Variants in PPP2R2C observed in about 807,000 individuals in gnomAD.
PPP2R2C encodes protein phosphatase 2 regulatory subunit Bgamma, also known as protein phosphatase 2, regulatory subunit B, gamma.
Under a neutral mutation model 45.3 loss-of-function variants are expected in PPP2R2C, and 10 were observed. That is an observed-to-expected ratio of 0.22 (90% confidence interval 0.14 to 0.37). PPP2R2C has a LOEUF of 0.37. Ranked by LOEUF, PPP2R2C falls within the 10% of genes least tolerant of loss-of-function variation. The probability of loss-of-function intolerance (pLI) is 1.00; values close to 1 mark genes in which losing one functional copy is unlikely to be tolerated. For missense variants in PPP2R2C, 308 were observed against 619.7 expected, an observed-to-expected ratio of 0.50 and a Z score of 5.34; for synonymous variants, 257 against 245.4, an observed-to-expected ratio of 1.05 and a Z score of -0.44.
At chr4:6,355,305 TA>T (rs1366486334) in intron 5 of PPP2R2C, among the ~76,000 whole-genome samples, 2 of 152,110 alleles carry the variant, frequency 1.3e-5, no homozygotes, top group Non-Finnish European at 2.9e-5. Context: ...AAAGTTGAGA[TA>T]AGAGGCATGG....
Position 6,536,189 on chromosome 4 carries a change from C to T in PPP2R2C, c.-58-812G>A, listed in dbSNP as rs979721559. Among the ~76,000 whole-genome samples the T allele has an allele frequency of 4.6e-5, 7 of 152,136 alleles. No homozygotes were observed. The South Asian group carries it at 6.2e-4, about 14-fold the overall frequency. ...AGGTGAAGGATAGGAACTATAAACC[C>T]GGGATTATGGAAGGAAACATTGCTG... On this transcript the variant is annotated intron_variant, in intron 1 of 9. Transcript: ENST00000506140.
At chr4:6,438,556 T>C (rs921300127) in intron 1 of PPP2R2C, among the ~76,000 whole-genome samples, 1 of 152,210 alleles carries the variant, frequency 6.6e-6, no homozygotes, top group Admixed American at 6.5e-5. Flanking sequence ...TGTATAATGG[T>C]TGGAATGTTT....
rs1283463190 is a variant in PPP2R2C at position 6,563,164 on chromosome 4, C to T, written c.-59+396G>A. 2.6e-5 allele frequency among the ~76,000 whole-genome samples: 4 copies of T among 152,168 alleles called. No homozygotes were observed. The highest frequency in any genetic ancestry group is 2.9e-5 in the Non-Finnish European group (2 of 68,022). On this transcript the variant is annotated intron_variant, in intron 1 of 9. Coordinates refer to the PPP2R2C transcript ENST00000506140. The surrounding 1 kb of genome is among the most constrained non-coding windows in gnomAD (Gnocchi z 5.8). ...CCTTCAGCCGGGCAGCGAGGGGGGG[C>T]TCGAGCGCGCCGGTTCTCGGCCGAG... is the stretch of plus-strand genomic sequence containing the variant.
chr4:6,427,724 G>A (rs1372551025), intron 1 of PPP2R2C, among the ~76,000 whole-genome samples: 2 of 152,232 alleles, frequency 1.3e-5, no homozygotes, highest in East Asian at 1.9e-4. Flanking sequence ...GCCCCTGGAG[G>A]CAAGGAGAGG....
intron 2 of PPP2R2C, among the ~76,000 whole-genome samples, chr4:6,483,551 GT>G (rs1257840225): frequency 1.3e-5 from 2 of 151,966 alleles, no homozygotes; most frequent in Admixed American, 6.6e-5. Context: ...ATCTTTTCGT[GT>G]GCTTATTTGC....
At chr4:6,415,202 A>C (rs1456903545) in intron 1 of PPP2R2C, among the ~76,000 whole-genome samples, 1 of 152,234 alleles carries the variant, frequency 6.6e-6, no homozygotes. Context: ...AAAGGGATCA[A>C]ACTGGCCAGC....
At chr4:6,422,097 T>C (rs1052716181) in intron 1 of PPP2R2C, among the ~76,000 whole-genome samples, 3 of 152,072 alleles carry the variant, frequency 2.0e-5, no homozygotes, top group African/African-American at 7.3e-5. Flanking sequence ...CAAAACTTTG[T>C]TTCTCACAAA....
Position 6,402,369 on chromosome 4 carries a change from G to C in PPP2R2C, c.71-21275C>G, listed in dbSNP as rs552055480. 2.6e-5 allele frequency among the ~76,000 whole-genome samples: 4 copies of C among 152,322 alleles called. No homozygotes were observed. In the South Asian group the frequency reaches 8.3e-4, roughly 32 times the overall value. ...CTAGGCTGAAGGGAAAGTATAATGA[G>C]CTGCCAAGGGTGTGCTTGGCCCTGC... On this transcript the variant is annotated intron_variant, in intron 1 of 8. Transcript: ENST00000382599.
Position 6,381,006 on chromosome 4 carries a change from C to T in PPP2R2C, c.159G>A (p.Arg53=). 1 of 1,540,762 alleles carries T rather than the reference C, an allele frequency of 6.5e-7. No homozygotes were observed. Among genetic ancestry groups the T allele is most frequent in the East Asian group, 2.3e-5 (1 of 43,776 alleles). ...ACCCAGGGCTTCGCACCTCTGGTTCCCGCTGGAAGATGACGACCCGGCCGC... is the reference window on the plus strand; with the variant it reads ...ACCCAGGGCTTCGCACCTCTGGTTCTCGCTGGAAGATGACGACCCGGCCGC... ...DKGGRVVIFQ[R]EPESKNAPHS... The change falls in exon 2 of 9, where the codon CGG becomes CGA. Residue 53 remains arginine (R), a synonymous_variant. Transcript: ENST00000382599.
At chr4:6,401,003 G>A (rs549172614) in intron 1 of PPP2R2C, among the ~76,000 whole-genome samples, 81 of 152,280 alleles carry the variant, frequency 5.3e-4, no homozygotes, top group Admixed American at 1.1e-3. Context: ...TCCCACACAC[G>A]TTGGTCAAGT....
At chr4:6,457,158 A>C (rs929853827) in intron 1 of PPP2R2C, among the ~76,000 whole-genome samples, 1 of 147,724 alleles carries the variant, frequency 6.8e-6, no homozygotes, top group African/African-American at 2.5e-5. Context: ...CAGTGAGCTG[A>C]CATGACACCA....
chr4:6,330,807 C>T lies in PPP2R2C; in HGVS notation c.961-1454G>A, dbSNP rs550253995. Among the ~76,000 whole-genome samples, 1 of 152,288 alleles carries T rather than the reference C, an allele frequency of 6.6e-6. No homozygotes were observed. The highest frequency in any genetic ancestry group is 1.9e-4 in the East Asian group (1 of 5,174). On this transcript the variant is annotated intron_variant, in intron 7 of 8. Coordinates refer to ENST00000382599, the MANE Select transcript of PPP2R2C (RefSeq NM_020416.4). This position sits in a 1 kb window ranked among gnomAD's most constrained non-coding sequence, Gnocchi z 7.0. The stretch of plus-strand genomic sequence containing the variant: ...GGATTGGGAGGAAGGGCCTGCTATT[C>T]ACTGCACACAGGATGGTTAGACAAG...
At chr4:6,411,206 C>A (rs1276815077) in intron 1 of PPP2R2C, among the ~76,000 whole-genome samples, 1 of 152,054 alleles carries the variant, frequency 6.6e-6, no homozygotes, top group African/African-American at 2.4e-5. Flanking sequence ...AAATGGAGGG[C>A]CAGAGAGGGT....
At chr4:6,441,444 C>A (rs1044026816) in intron 1 of PPP2R2C, among the ~76,000 whole-genome samples, 2 of 152,268 alleles carry the variant, frequency 1.3e-5, no homozygotes, top group Admixed American at 6.5e-5. Flanking sequence ...CCTGCAGCCT[C>A]CCTGGTTCCC....
intron 1 of PPP2R2C, among the ~76,000 whole-genome samples, chr4:6,538,906 C>T (rs1223314394): frequency 6.6e-5 from 10 of 152,156 alleles, no homozygotes; most frequent in African/African-American, 1.4e-4. Context: ...AGCAGGTGCT[C>T]CACAAATATC....
intron 1 of PPP2R2C, among the ~76,000 whole-genome samples, chr4:6,423,951 C>T (rs1577171867): frequency 6.6e-6 from 1 of 151,502 alleles, no homozygotes; most frequent in East Asian, 1.9e-4. Context: ...CCCTCCTGCA[C>T]AGACTGATTT....
intron 1 of PPP2R2C, among the ~76,000 whole-genome samples, chr4:6,405,724 A>G (rs34006454): frequency 0.15 from 22,497 of 152,166 alleles, 1,827 homozygotes; most frequent in African/African-American, 0.19. Context: ...ACATGACAAC[A>G]TCACGAAAAC....
At chr4:6,541,550 G>A (rs1430946817) in intron 1 of PPP2R2C, among the ~76,000 whole-genome samples, 1 of 152,028 alleles carries the variant, frequency 6.6e-6, no homozygotes, top group African/African-American at 2.4e-5. Context: ...TGTTTCGTTT[G>A]TTTGTTTGTT....
chr4:6,492,812 G>A (rs890189985), intron 2 of PPP2R2C, among the ~76,000 whole-genome samples: 18 of 152,118 alleles, frequency 1.2e-4, no homozygotes, highest in Admixed American at 4.6e-4. Flanking sequence ...GGTGCATACC[G>A]CTCCAAAAGG....
Sources: allele counts gnomAD v4.1 joint callset (sites outside exome capture counted in the v4.1 genomes callset), GRCh38; gene constraint gnomAD v4.1.1; non-coding constraint Gnocchi (gnomAD v3.1); transcripts MANE v1.5; gene names NCBI Gene and HGNC (gene_info 2026-07-23, HGNC 2026-07-21).